RIF1: variants seen among roughly 807,000 people sequenced by gnomAD.
The protein encoded by RIF1 is telomere-associated protein RIF1.
RIF1 carries 45 observed loss-of-function variants against 247.1 expected under a neutral mutation model. The ratio of observed to expected loss-of-function variants is 0.18; its 90% CI spans 0.14 to 0.23. The LOEUF (loss-of-function observed/expected upper bound fraction) is 0.23. Among genes scored for constraint, RIF1 ranks in the 10% least tolerant of loss-of-function variants. RIF1 has a pLI of 1.00. For synonymous variants in RIF1, 1,087 were observed against 978.8 expected, an observed-to-expected ratio of 1.11 and a Z score of -2.06; for missense variants, 2,967 against 2,862.5, an observed-to-expected ratio of 1.04 and a Z score of -0.83.
Position 151,505,542 on chromosome 2 carries a change from C to G in RIF1, c.*862-668C>G, listed in dbSNP as rs760083078. 16 of 1,613,758 alleles carry G rather than the reference C, an allele frequency of 9.9e-6. No homozygotes were observed. The highest frequency in any genetic ancestry group is 1.4e-5 in the Non-Finnish European group (16 of 1,179,716). ...TTCAGGCAGGTCAGGGATTGGAGTT[C>G]CTTGTCCTATTGCTTCCTTATACTT... is the stretch of plus-strand genomic sequence containing the variant. On this transcript the variant is annotated intron_variant and NMD_transcript_variant, in intron 12 of 13. Transcript: ENST00000454583.
downstream of RIF1, among the ~76,000 whole-genome samples, chr2:151,483,596 C>T (rs2049272161): frequency 6.6e-6 from 1 of 152,128 alleles, no homozygotes; most frequent in South Asian, 2.1e-4. Context: ...ACCACCCCTA[C>T]CTTATGGATA....
the RIF1 span, chr2:151,527,101 G>T: frequency 2.2e-6 from 2 of 925,410 alleles, no homozygotes; most frequent in South Asian, 1.5e-5. Context: ...AACACACAGG[G>T]AGTCCTCTTA....
intron 21 of RIF1, among the ~76,000 whole-genome samples, chr2:151,452,852 C>T (rs935733893): frequency 1.3e-5 from 2 of 152,154 alleles, no homozygotes; most frequent in Non-Finnish European, 2.9e-5. Context: ...TAGATTTAAC[C>T]GAATATCCAA....
Position 151,409,923 on chromosome 2 carries a change from G to C in RIF1, c.-121G>C. 1.4e-6 allele frequency: 1 copy of C among 700,400 alleles called. No homozygotes were observed. Among genetic ancestry groups the C allele is most frequent in the Non-Finnish European group, 2.6e-6 (1 of 383,946 alleles). 43.4% of individuals were successfully genotyped at this position (700,400 alleles called of 1,614,324 possible). On this transcript the variant is annotated 5_prime_UTR_variant, in exon 1 of 36. Coordinates refer to ENST00000444746, the MANE Select transcript of RIF1 (RefSeq NM_018151.5). Reference sequence around the variant, plus strand: ...GCCCAGCCGCCATCTTGGTCTAGGAGGGAGCGCGCCGCACGCGTGAGTAAA... The same window carrying C: ...GCCCAGCCGCCATCTTGGTCTAGGACGGAGCGCGCCGCACGCGTGAGTAAA...
At position 151,425,079 on chromosome 2, in the gene RIF1, C is replaced by T. The variant is rs1409933156; in HGVS notation, c.786+2037C>T. Among the ~76,000 whole-genome samples, 3 of 151,726 alleles carry T rather than the reference C, an allele frequency of 2.0e-5. No individual in the cohort carries two copies. The East Asian group carries it at 5.8e-4, about 29-fold the overall frequency. ...ATCCTCACCAACACTTTTTATTTTC[C>T]TTTTTTTGATAGCCATCCTAGTGAA... On this transcript the variant is annotated intron_variant, in intron 8 of 35. Coordinates refer to ENST00000444746, the MANE Select transcript of RIF1 (RefSeq NM_018151.5).
intron 3 of RIF1, among the ~76,000 whole-genome samples, chr2:151,412,517 T>C (rs1042702832): frequency 6.6e-6 from 1 of 152,108 alleles, no homozygotes. Context: ...AGACAGAGTC[T>C]TGCTGTGTCG....
In RIF1 at chr2:151,410,428, C is replaced by T. The variant is rs1273131653; in HGVS notation, c.5C>T (p.Thr2Met). Reference protein sequence around the residue: MTARGQSPLAPL... With the variant: MMARGQSPLAPL... ...TCGGGCCTCAGGGTGGCCGACATGA[C>T]GGCCAGGGGTCAGAGCCCCCTCGCG... The change falls in exon 2 of 36, where the codon ACG becomes ATG. Residue 2 changes from threonine to methionine, a missense_variant. This residue lies in a region of RIF1 where 269 missense variants were observed against 288.6 expected (regional missense o/e 0.93). Transcript: ENST00000444746. The T allele has an allele frequency of 1.4e-5, 22 of 1,612,772 alleles. No individual in the cohort carries two copies. Among genetic ancestry groups the T allele is most frequent in the Non-Finnish European group, 1.6e-5 (19 of 1,179,586 alleles).
rs930136717 is a variant in RIF1, at chr2:151,440,543, G to A, written c.1647+416G>A. On this transcript the variant is annotated intron_variant, in intron 15 of 35. Coordinates refer to ENST00000444746, the MANE Select transcript of RIF1 (RefSeq NM_018151.5). ...TAAAACCCCTTTTTTTTTTAAACCC[G>A]TGTAGTACAGGAAGAAAAGTGAATT... Among the ~76,000 whole-genome samples, 21 of 151,068 alleles carry A rather than the reference G, an allele frequency of 1.4e-4. No homozygotes were observed. The South Asian group carries it at 1.9e-3, about 13-fold the overall frequency.
the RIF1 span, chr2:151,525,938 A>C: frequency 1.9e-6 from 3 of 1,587,526 alleles, no homozygotes; most frequent in South Asian, 1.1e-5. Context: ...CTGCCAAGAG[A>C]CCGGTGGTTG....
chr2:151,521,096 GTTA>G, the RIF1 span, among the ~76,000 whole-genome samples: 11 of 152,100 alleles, frequency 7.2e-5, no homozygotes, highest in African/African-American at 2.7e-4. Context: ...TAGAGTTTCT[GTTA>G]TTGTTAAGAT....
At chr2:151,443,208 A>C in intron 16 of RIF1, 51 bp from the exon 17 acceptor site, 1 of 1,149,798 alleles carries the variant, frequency 8.7e-7, no homozygotes, top group Non-Finnish European at 1.3e-6. Flanking sequence ...TATAAAAAAC[A>C]AATGTTCTAT....
chr2:151,459,407 G>GA (rs1408358978), intron 25 of RIF1, among the ~76,000 whole-genome samples: 3 of 152,106 alleles, frequency 2.0e-5, no homozygotes, highest in African/African-American at 7.2e-5. Context: ...AGTGTTCTTA[G>GA]AAAACCTTTT....
chr2:151,488,176 C>A (rs2052682037), intron 9 of RIF1, among the ~76,000 whole-genome samples: 1 of 151,922 alleles, frequency 6.6e-6, no homozygotes, highest in South Asian at 2.1e-4. Context: ...TTTTAGAGTT[C>A]TTTATTCTTT....
At chr2:151,487,020 C>T (rs964111979), downstream of RIF1, among the ~76,000 whole-genome samples, 1 of 152,068 alleles carries the variant, frequency 6.6e-6, no homozygotes, top group Admixed American at 6.6e-5. Context: ...TTATGAACTT[C>T]ATACTAAGTT....
At chr2:151,520,347 G>T in the RIF1 span, among the ~76,000 whole-genome samples, 2 of 152,246 alleles carry the variant, frequency 1.3e-5, no homozygotes, top group South Asian at 2.1e-4. Context: ...CTTCAAGTGT[G>T]ATTTCAGACT....
downstream of RIF1, among the ~76,000 whole-genome samples, chr2:151,508,662 T>C (rs1378449186): frequency 6.6e-6 from 1 of 152,206 alleles, no homozygotes; most frequent in African/African-American, 2.4e-5. Flanking sequence ...TTCCAGAATA[T>C]GGCTCTTGAT....
chr2:151,423,986 C>T (rs2152221624), intron 8 of RIF1, among the ~76,000 whole-genome samples: 1 of 152,272 alleles, frequency 6.6e-6, no homozygotes, highest in African/African-American at 2.4e-5. Flanking sequence ...AGACATCACC[C>T]TTTGGTAATG....
chr2:151,443,861 A>G (rs1460703146), intron 18 of RIF1, 152 bp downstream of exon 18: 2 of 491,536 alleles, frequency 4.1e-6, no homozygotes, highest in Non-Finnish European at 6.8e-6. Context: ...GATTGATTTT[A>G]TTGCATTTCT....
intron 10 of RIF1, among the ~76,000 whole-genome samples, chr2:151,498,902 A>C (rs941880679): frequency 9.2e-5 from 14 of 152,156 alleles, no homozygotes; most frequent in Non-Finnish European, 2.1e-4. Flanking sequence ...AAAAAAAAGA[A>C]ACTTCAAAAT....
Sources: gnomAD v4.1 joint callset for allele counts (sites outside exome capture counted in the v4.1 genomes callset) on GRCh38, gnomAD v4.1.1 for gene constraint, gnomAD v4.1.1 regional missense constraint, MANE v1.5 for transcripts, NCBI Gene and HGNC (gene_info 2026-07-23, HGNC 2026-07-21) for gene names.